The following ACTN4 variants were observed in gnomAD, a reference collection of about 807,000 sequenced individuals.
ACTN4 encodes alpha-actinin-4.
Under a neutral mutation model 114.2 loss-of-function variants are expected in ACTN4, and 18 were observed. The ratio of observed to expected loss-of-function variants is 0.16; its 90% CI spans 0.11 to 0.23. The LOEUF (loss-of-function observed/expected upper bound fraction) is 0.23. ACTN4 is among the 10% of genes least tolerant of loss of function. The pLI is 1.00. For synonymous variants in ACTN4, 515 were observed against 506.3 expected (o/e 1.02, Z -0.23); for missense variants, 722 against 1,262.9 (o/e 0.57, Z 6.49).
chr19:38,710,140 C>T, intron 7 of ACTN4, 117 bp from the exon 8 acceptor site: 1 of 1,052,056 alleles, frequency 9.5e-7, no homozygotes, highest in Non-Finnish European at 1.5e-6. Context: ...AGTCACGCGT[C>T]ACTCTGCAGG....
chr19:38,727,845 C>A lies in ACTN4; in HGVS notation c.2338-101C>A. ...GCCTCTAACTCTGTGTTTCCCTCCC[C>A]TACGTGTCCCTTCCCCCTGCCCTCT... On this transcript the variant is annotated intron_variant, in intron 18 of 20. Coordinates refer to ENST00000252699, the MANE Select transcript of ACTN4 (RefSeq NM_004924.6). The surrounding 1 kb of genome is among the most constrained non-coding windows in gnomAD (Gnocchi z 5.4). 1 of 1,105,998 alleles carries A rather than the reference C, an allele frequency of 9.0e-7. No homozygotes were observed. The highest frequency in any genetic ancestry group is 1.3e-6 in the Non-Finnish European group (1 of 742,554). 68.5% of individuals were successfully genotyped at this position (1,105,998 alleles called of 1,614,324 possible). A position where few individuals can be genotyped will look rare whatever the true frequency, so the allele number is the denominator to read the frequency against.
rs567433887 is a variant in ACTN4, at chr19:38,701,373, G to A, written c.397+252G>A. On this transcript the variant is annotated intron_variant, in intron 3 of 20. Coordinates refer to ENST00000252699, the MANE Select transcript of ACTN4 (RefSeq NM_004924.6). ...TAGGAAGTGCAACCCACCCAACCAC[G>A]GGGGCGACGGCTTCTGCAGGGGGAG... 1.3e-3 allele frequency among the ~76,000 whole-genome samples: 202 copies of A among 152,242 alleles called. 2 individuals are homozygous for A. Among genetic ancestry groups the A allele is most frequent in the African/African-American group, 4.8e-3 (201 of 41,526 alleles).
chr19:38,712,257 G>A (rs28624276), intron 8 of ACTN4, among the ~76,000 whole-genome samples: 55,527 of 151,488 alleles, frequency 0.37, 11,709 homozygotes, highest in Non-Finnish European at 0.47. Context: ...GGGGGGGGCC[G>A]TACCTTCTGT....
At chr19:38,695,050 GT>G (rs1455093788) in intron 1 of ACTN4, among the ~76,000 whole-genome samples, 2 of 152,042 alleles carry the variant, frequency 1.3e-5, no homozygotes, top group Non-Finnish European at 2.9e-5. Flanking sequence ...AATTTTTGTA[GT>G]TTTTGTAGAG....
rs1205858472 is a variant in ACTN4 at position 38,649,966 on chromosome 19, C to T, written c.162+2059C>T. On this transcript the variant is annotated intron_variant, in intron 1 of 20. Transcript: ENST00000252699. The stretch of plus-strand genomic sequence containing the variant: ...CACCTACTGCAGGATGGACAGGTTG[C>T]GATAGTTGGCATAAATTCACTTTTT... 2.0e-5 allele frequency among the ~76,000 whole-genome samples: 3 copies of T among 151,974 alleles called. No homozygotes were observed. The East Asian group carries it at 5.8e-4, about 29-fold the overall frequency.
At chr19:38,684,692 TCTA>T (rs1396675794) in intron 1 of ACTN4, among the ~76,000 whole-genome samples, 1 of 152,206 alleles carries the variant, frequency 6.6e-6, no homozygotes, top group African/African-American at 2.4e-5. Context: ...GGTTTCAGTC[TCTA>T]CTGGTTCCTC....
Position 38,730,512 on chromosome 19 carries a change from T to A in ACTN4, c.*1080T>A, listed in dbSNP as rs972355699. 1 of 358,858 alleles carries A rather than the reference T, an allele frequency of 2.8e-6. No individual in the cohort carries two copies. The highest frequency in any genetic ancestry group is 2.1e-5 in the African/African-American group (1 of 48,532). 22.2% of individuals were successfully genotyped at this position (358,858 alleles called of 1,614,324 possible). On this transcript the variant is annotated 3_prime_UTR_variant, in exon 21 of 21. Coordinates refer to ENST00000252699, the MANE Select transcript of ACTN4 (RefSeq NM_004924.6). ...CCTCTGGGGACAGGATAATAAAACA[T>A]GTAATATTTTTAAGAAGGATTCCTG...
intron 1 of ACTN4, among the ~76,000 whole-genome samples, chr19:38,694,555 C>T (rs907779936): frequency 5.9e-5 from 9 of 152,028 alleles, no homozygotes; most frequent in Admixed American, 1.3e-4. Flanking sequence ...CCACTGCGCC[C>T]GGCCCTGGCT....
At chr19:38,711,465 G>A (rs974935282) in intron 8 of ACTN4, 130 of 506,970 alleles carry the variant, frequency 2.6e-4, no homozygotes, top group Middle Eastern at 1.0e-3. Context: ...TGGCCAGGCC[G>A]TGGGCCGCCA....
At chr19:38,708,088 T>A in intron 5 of ACTN4, 29 bp from the exon 6 acceptor site, 1 of 1,612,484 alleles carries the variant, frequency 6.2e-7, no homozygotes, top group East Asian at 2.2e-5. Context: ...GAGCGGGCCC[T>A]CCTATAACCT....
intron 1 of ACTN4, among the ~76,000 whole-genome samples, chr19:38,661,241 C>T (rs1194694602): frequency 1.3e-5 from 2 of 152,194 alleles, no homozygotes; most frequent in Non-Finnish European, 2.9e-5. Flanking sequence ...ACCCTTTCCT[C>T]CCAGGCCTCC....
rs1456965495 is a variant in ACTN4 at position 38,731,249 on chromosome 19, A to G, written c.*1817A>G. ...CTAGGGGGAGGCTGCTTCTGAGCCC[A>G]GTGGCCCACAGGGAACCCACCTTGG... is the stretch of plus-strand genomic sequence containing the variant. On this transcript the variant is annotated 3_prime_UTR_variant, in exon 21 of 21. Coordinates refer to ENST00000252699, the MANE Select transcript of ACTN4 (RefSeq NM_004924.6). The G allele has an allele frequency of 1.3e-6, 2 of 1,586,010 alleles. No individual in the cohort carries two copies. Among genetic ancestry groups the G allele is most frequent in the Non-Finnish European group, 1.7e-6 (2 of 1,157,194 alleles).
intron 8 of ACTN4, chr19:38,711,343 T>C (rs777603140): frequency 5.8e-6 from 6 of 1,042,382 alleles, no homozygotes; most frequent in Non-Finnish European, 7.0e-6. Flanking sequence ...TCTACCACGC[T>C]TTCTCGGGGG....
In ACTN4 at chr19:38,731,406, T is replaced by G. The variant is rs1422399180; in HGVS notation, c.*1974T>G. The G allele has an allele frequency of 1.6e-6, 1 of 621,908 alleles. No individual in the cohort carries two copies. The highest frequency in any genetic ancestry group is 1.8e-5 in the African/African-American group (1 of 55,134). The allele number at this position is 621,908 out of a possible 1,614,324, so 38.5% of individuals were successfully genotyped here. On this transcript the variant is annotated 3_prime_UTR_variant, in exon 21 of 21. Transcript: ENST00000252699. ...TCCTCTGGGCCTGTTTCCTCATCCATCAAACGGACTAAGACAGCCCCGACC... is the reference window on the plus strand; with the variant it reads ...TCCTCTGGGCCTGTTTCCTCATCCAGCAAACGGACTAAGACAGCCCCGACC...
At chr19:38,692,264 T>C (rs151100050) in intron 1 of ACTN4, among the ~76,000 whole-genome samples, 84 of 152,332 alleles carry the variant, frequency 5.5e-4, no homozygotes, top group African/African-American at 1.9e-3. Context: ...CTGGCTGGGG[T>C]TGGGTCCTGG....
At chr19:38,698,986 C>T (rs995472619) in intron 1 of ACTN4, among the ~76,000 whole-genome samples, 3 of 152,190 alleles carry the variant, frequency 2.0e-5, no homozygotes, top group Non-Finnish European at 4.4e-5. Flanking sequence ...GCACCCGGGG[C>T]GTGGAATGTG....
intron 1 of ACTN4, among the ~76,000 whole-genome samples, chr19:38,664,056 C>T (rs148567392): frequency 2.0e-4 from 30 of 152,352 alleles, no homozygotes; most frequent in African/African-American, 6.3e-4. Flanking sequence ...GCAGCCGGAA[C>T]GGCCGCCCTG....
At chr19:38,680,660 A>G (rs1458907796) in intron 1 of ACTN4, among the ~76,000 whole-genome samples, 6 of 152,192 alleles carry the variant, frequency 3.9e-5, no homozygotes, top group Non-Finnish European at 5.9e-5. Context: ...GGCATTGCCC[A>G]TTTGTCAGCC....
rs1453016378 is a variant in ACTN4 at position 38,731,081 on chromosome 19, CCCCACCA to C, written c.*1650_*1656del. ...AGTCCCCGTACCCCTTCCCCCCATGCCCCACCATGCCGGGGTGGTACTCACAGAAGAT... is the reference window on the plus strand; with the variant it reads ...AGTCCCCGTACCCCTTCCCCCCATGCTGCCGGGGTGGTACTCACAGAAGAT... On this transcript the variant is annotated 3_prime_UTR_variant, in exon 21 of 21. Transcript: ENST00000252699. The C allele has an allele frequency of 2.7e-6, 3 of 1,097,208 alleles. No homozygotes were observed. The highest frequency in any genetic ancestry group is 3.8e-6 in the Non-Finnish European group (3 of 779,898). 68.0% of individuals were successfully genotyped at this position (1,097,208 alleles called of 1,614,324 possible).
Sources: gnomAD v4.1 joint callset for allele counts (sites outside exome capture counted in the v4.1 genomes callset) on GRCh38, gnomAD v4.1.1 for gene constraint, Gnocchi (gnomAD v3.1) non-coding constraint, MANE v1.5 for transcripts, NCBI Gene and HGNC (gene_info 2026-07-23, HGNC 2026-07-21) for gene names.